The following MTUS2 variants were observed in gnomAD, a reference collection of about 807,000 sequenced individuals.
MTUS2 encodes the protein microtubule-associated tumor suppressor candidate 2.
A neutral mutation model predicts 114.1 loss-of-function variants in MTUS2; 40 were observed. That is an observed-to-expected ratio of 0.35 (90% confidence interval 0.27 to 0.46). MTUS2 has a LOEUF of 0.46. Among genes scored for constraint, MTUS2 ranks in the 20% least tolerant of loss-of-function variants. MTUS2 has a pLI of 1.00. For missense variants in MTUS2, 1,679 were observed against 1,705.4 expected (o/e 0.98, Z 0.27); for synonymous variants, 688 against 672.0 (o/e 1.02, Z -0.37).
chr13:29,452,574 ATGTGTGTG>A (rs56367128), intron 9 of MTUS2, among the ~76,000 whole-genome samples: 15 of 130,302 alleles, frequency 1.2e-4, no homozygotes, highest in Non-Finnish European at 1.9e-4. Context: ...ATATATATAT[ATGTGTGTG>A]TGTGTGTGTG....
chr13:29,040,671 G>A (rs1887311781), intron 4 of MTUS2, among the ~76,000 whole-genome samples: 1 of 152,110 alleles, frequency 6.6e-6, no homozygotes, highest in African/African-American at 2.4e-5. Context: ...GAGTAAGGTG[G>A]TATCACATTG....
At chr13:29,069,185 T>C (rs1311243074) in intron 4 of MTUS2, among the ~76,000 whole-genome samples, 1 of 152,166 alleles carries the variant, frequency 6.6e-6, no homozygotes, top group Non-Finnish European at 1.5e-5. Flanking sequence ...ATGTAAAATA[T>C]TGGCCTATAT....
intron 8 of MTUS2, among the ~76,000 whole-genome samples, chr13:29,383,120 T>C (rs1216149503): frequency 6.6e-6 from 1 of 152,116 alleles, no homozygotes; most frequent in Non-Finnish European, 1.5e-5. Context: ...ATATATTCTT[T>C]GTATTTTTGG....
chr13:28,869,129 A>G (rs948631446), intron 2 of MTUS2, among the ~76,000 whole-genome samples: 3 of 152,216 alleles, frequency 2.0e-5, no homozygotes, highest in Admixed American at 2.0e-4. Context: ...ACAAAGAAGA[A>G]CCATTTGGAG....
intron 2 of MTUS2, among the ~76,000 whole-genome samples, chr13:28,941,006 T>C (rs1037435912): frequency 6.6e-6 from 1 of 151,922 alleles, no homozygotes; most frequent in African/African-American, 2.4e-5. Flanking sequence ...GGATCATTAC[T>C]GGACATAAAG....
intron 6 of MTUS2, among the ~76,000 whole-genome samples, chr13:29,283,114 G>T (rs924799369): frequency 6.6e-6 from 1 of 152,188 alleles, no homozygotes; most frequent in Non-Finnish European, 1.5e-5. Flanking sequence ...CCATATCCCT[G>T]CTAGGAATAG....
intron 4 of MTUS2, among the ~76,000 whole-genome samples, chr13:29,041,009 T>C (rs1358185684): frequency 5.3e-5 from 8 of 152,210 alleles, no homozygotes; most frequent in Admixed American, 1.3e-4. Context: ...GCTTTTGGGT[T>C]CGTGGTCATA....
At chr13:28,922,377 A>G (rs1032907620) in intron 2 of MTUS2, among the ~76,000 whole-genome samples, 5 of 152,210 alleles carry the variant, frequency 3.3e-5, no homozygotes, top group African/African-American at 1.2e-4. Context: ...CTCTGAATCC[A>G]GCTCAGCACT....
intron 5 of MTUS2, among the ~76,000 whole-genome samples, chr13:29,265,713 C>A (rs953664987): frequency 1.3e-5 from 2 of 152,144 alleles, no homozygotes; most frequent in Non-Finnish European, 2.9e-5. Flanking sequence ...CCTTACATGG[C>A]AAAAGCAGGA....
intron 8 of MTUS2, among the ~76,000 whole-genome samples, chr13:29,438,193 T>C (rs1877557842): frequency 2.0e-5 from 3 of 152,146 alleles, no homozygotes; most frequent in Non-Finnish European, 2.9e-5. Flanking sequence ...AGTAGGAATA[T>C]TGAGATACAG....
intron 5 of MTUS2, among the ~76,000 whole-genome samples, chr13:29,275,063 C>T (rs1359764429): frequency 9.9e-5 from 15 of 152,114 alleles, no homozygotes; most frequent in Admixed American, 9.2e-4. Context: ...TTTTGTATAC[C>T]AGACCGTTAT....
intron 2 of MTUS2, among the ~76,000 whole-genome samples, chr13:28,869,049 T>C (rs901211882): frequency 2.0e-5 from 3 of 152,210 alleles, no homozygotes; most frequent in Non-Finnish European, 4.4e-5. Flanking sequence ...GAAACTTCTC[T>C]GGGATTTCTT....
At position 29,045,415 on chromosome 13, in the gene MTUS2, C is replaced by T. The variant is rs1481532658; in HGVS notation, c.2446+11290C>T. 2.0e-5 allele frequency among the ~76,000 whole-genome samples: 3 copies of T among 152,212 alleles called. No individual in the cohort carries two copies. The East Asian group carries it at 5.8e-4, about 29-fold the overall frequency. The stretch of plus-strand genomic sequence containing the variant: ...ATCCCATTCATGAGGGCCCCACTCT[C>T]AGGACCTAATCACCTCTCAAAGGCC... On this transcript the variant is annotated intron_variant, in intron 4 of 15. Coordinates refer to ENST00000612955, the MANE Select transcript of MTUS2 (RefSeq NM_001033602.4).
chr13:29,082,834 C>A (rs1297794427), intron 4 of MTUS2, among the ~76,000 whole-genome samples: 1 of 151,966 alleles, frequency 6.6e-6, no homozygotes, highest in Non-Finnish European at 1.5e-5. Flanking sequence ...ATCAGAAGTC[C>A]AGGGGTAACT....
intron 2 of MTUS2, among the ~76,000 whole-genome samples, chr13:28,886,783 T>C (rs952698314): frequency 3.9e-5 from 6 of 152,246 alleles, no homozygotes; most frequent in African/African-American, 1.2e-4. Context: ...ACGACGTTTA[T>C]GGATGATAAA....
intron 5 of MTUS2, among the ~76,000 whole-genome samples, chr13:29,279,715 A>G (rs750384461): frequency 6.6e-6 from 1 of 152,210 alleles, no homozygotes; most frequent in Admixed American, 6.5e-5. Context: ...AGGGAAGTAC[A>G]TAGTTCCCTG....
intron 5 of MTUS2, among the ~76,000 whole-genome samples, chr13:29,222,305 A>G (rs1593185772): frequency 6.6e-6 from 1 of 152,052 alleles, no homozygotes; most frequent in African/African-American, 2.4e-5. Flanking sequence ...TAATTTTTAT[A>G]ATTTTAGCAT....
At chr13:29,160,340 T>C (rs1370308534) in intron 5 of MTUS2, among the ~76,000 whole-genome samples, 5 of 152,242 alleles carry the variant, frequency 3.3e-5, no homozygotes, top group Admixed American at 2.6e-4. Flanking sequence ...TTTTCTTTTA[T>C]CTAGCTTACT....
chr13:29,491,619 G>C (rs1882095408), intron 11 of MTUS2, among the ~76,000 whole-genome samples: 1 of 149,736 alleles, frequency 6.7e-6, no homozygotes, highest in South Asian at 2.1e-4. Flanking sequence ...CATATAGTGT[G>C]TGTATGTGAT....
Sources: allele counts gnomAD v4.1 joint callset (sites outside exome capture counted in the v4.1 genomes callset), GRCh38; gene constraint gnomAD v4.1.1; transcripts MANE v1.5; gene names NCBI Gene and HGNC (gene_info 2026-07-23, HGNC 2026-07-21).